The following CTTNBP2NL variants were observed in gnomAD, a reference collection of about 807,000 sequenced individuals.
CTTNBP2NL encodes CTTNBP2 N-terminal like.
In CTTNBP2NL, 16 loss-of-function variants were observed where a neutral mutation model predicts 32.5. The observed-to-expected ratio is 0.49, with a 90% CI of 0.33 to 0.75. The LOEUF (loss-of-function observed/expected upper bound fraction) is 0.75. Ranked by LOEUF, CTTNBP2NL falls within the 30% of genes least tolerant of loss-of-function variation. CTTNBP2NL has a pLI of 0.02. For missense variants in CTTNBP2NL, 645 were observed against 756.0 expected, an observed-to-expected ratio of 0.85 and a Z score of 1.72; for synonymous variants, 298 against 289.4, an observed-to-expected ratio of 1.03 and a Z score of -0.30.
intron 3 of CTTNBP2NL, among the ~76,000 whole-genome samples, chr1:112,432,778 A>G (rs540812141): frequency 6.6e-6 from 1 of 151,652 alleles, no homozygotes; most frequent in Admixed American, 6.6e-5. Context: ...AACCTTCTCA[A>G]TCTTGCCATC....
At chr1:112,442,481 TAA>T (rs1649922976) in intron 3 of CTTNBP2NL, among the ~76,000 whole-genome samples, 1 of 152,240 alleles carries the variant, frequency 6.6e-6, no homozygotes, top group East Asian at 1.9e-4. Context: ...GTTGAATTCC[TAA>T]ACACATTTTC....
rs376886069 is a variant in CTTNBP2NL, at chr1:112,455,958, A to C, written c.466A>C (p.Lys156Gln). The C allele has an allele frequency of 2.5e-6, 4 of 1,579,820 alleles. No individual in the cohort carries two copies. Among genetic ancestry groups the C allele is most frequent in the Admixed American group, 2.0e-5 (1 of 50,136 alleles). ...QLEFEKSQVKKFEKEQKKLSS... is the reference protein window; with the variant it reads ...QLEFEKSQVKQFEKEQKKLSS... ...GGAATTTGAAAAATCCCAAGTGAAAAAGTTTGAAAAAGAACAGAAGAAGCT... is the reference window on the plus strand; with the variant it reads ...GGAATTTGAAAAATCCCAAGTGAAACAGTTTGAAAAAGAACAGAAGAAGCT... Residue 156 changes from lysine to glutamine, a missense_variant, in exon 6 of 6, where the codon AAG becomes CAG. By Grantham distance (53) the Lys-to-Gln change is moderately conservative. Transcript: ENST00000271277.
intron 1 of CTTNBP2NL, among the ~76,000 whole-genome samples, chr1:112,406,058 C>A (rs563442721): frequency 1.3e-5 from 2 of 152,012 alleles, no homozygotes; most frequent in African/African-American, 4.8e-5. Flanking sequence ...GTGGTGGGCA[C>A]CTGTAATCCC....
intron 3 of CTTNBP2NL, among the ~76,000 whole-genome samples, chr1:112,419,279 A>C (rs1407964655): frequency 6.6e-6 from 1 of 152,232 alleles, no homozygotes; most frequent in East Asian, 1.9e-4. Flanking sequence ...ACATCATTCT[A>C]TAGGTTTAAC....
intron 3 of CTTNBP2NL, among the ~76,000 whole-genome samples, chr1:112,430,622 C>G (rs1200323550): frequency 7.0e-6 from 1 of 142,186 alleles, no homozygotes; most frequent in African/African-American, 2.7e-5. Context: ...GACGTGATCT[C>G]GGCTCACTGC....
upstream of CTTNBP2NL, among the ~76,000 whole-genome samples, chr1:112,392,572 A>G (rs1179840910): frequency 2.0e-5 from 3 of 152,144 alleles, no homozygotes; most frequent in Admixed American, 1.3e-4. Context: ...ATTTATTTAG[A>G]AATAGGGTCT....
At chr1:112,442,117 T>G (rs1486001666) in intron 3 of CTTNBP2NL, among the ~76,000 whole-genome samples, 1 of 151,976 alleles carries the variant, frequency 6.6e-6, no homozygotes, top group Admixed American at 6.6e-5. Context: ...AAAATAATGT[T>G]TTTTGTTTTT....
chr1:112,412,591 C>T (rs1648904980), intron 2 of CTTNBP2NL, among the ~76,000 whole-genome samples: 2 of 140,122 alleles, frequency 1.4e-5, no homozygotes, highest in South Asian at 4.8e-4. Context: ...CATGTAGACA[C>T]TAAGCTGAGT....
In CTTNBP2NL at chr1:112,416,558, C is replaced by T. The variant is rs184315279; in HGVS notation, c.99+294C>T. Among the ~76,000 whole-genome samples the T allele has an allele frequency of 6.6e-5, 10 of 150,558 alleles. No individual in the cohort carries two copies. The East Asian group carries it at 1.4e-3, about 21-fold the overall frequency. ...CTGTCGCCAGGCTGGAGTGCAGTGG[C>T]GCTATCTCGGCTCACTGCAACTTCT... On this transcript the variant is annotated intron_variant, in intron 3 of 5. Transcript: ENST00000271277.
intron 1 of CTTNBP2NL, 115 bp downstream of exon 1, chr1:112,396,387 C>G (rs956700794): frequency 1.3e-5 from 2 of 152,312 alleles, no homozygotes; most frequent in African/African-American, 4.8e-5. Context: ...CCTCTGGGCC[C>G]ATCCCCTGAG....
chr1:112,428,188 T>G (rs900805926), intron 3 of CTTNBP2NL, among the ~76,000 whole-genome samples: 1 of 152,176 alleles, frequency 6.6e-6, no homozygotes, highest in Admixed American at 6.5e-5. Context: ...CCCTAGGTAG[T>G]AGAATCATAT....
At chr1:112,402,121 A>G (rs1170410343) in intron 1 of CTTNBP2NL, among the ~76,000 whole-genome samples, 1 of 152,174 alleles carries the variant, frequency 6.6e-6, no homozygotes, top group African/African-American at 2.4e-5. Context: ...TACTCACCAT[A>G]GAAAGGTGAG....
intron 1 of CTTNBP2NL, among the ~76,000 whole-genome samples, chr1:112,407,840 C>T (rs57475371): frequency 3.3e-4 from 32 of 96,038 alleles, no homozygotes; most frequent in East Asian, 1.3e-3. Flanking sequence ...TTTTTTCTTT[C>T]TTTTTTTTTT....
At chr1:112,439,927 T>C (rs1390527764) in intron 3 of CTTNBP2NL, among the ~76,000 whole-genome samples, 2 of 152,254 alleles carry the variant, frequency 1.3e-5, no homozygotes, top group African/African-American at 4.8e-5. Context: ...TTGGTGTTCC[T>C]CTAAACATTA....
chr1:112,455,900 C>A (rs187253285), intron 5 of CTTNBP2NL, 31 bp from the exon 6 acceptor site: 1 of 1,516,178 alleles, frequency 6.6e-7, no homozygotes, highest in Non-Finnish European at 8.9e-7. Context: ...CACAGTTTGT[C>A]AGTATGTCTC....
At chr1:112,421,956 G>GT (rs978782623) in intron 3 of CTTNBP2NL, among the ~76,000 whole-genome samples, 1 of 151,778 alleles carries the variant, frequency 6.6e-6, no homozygotes, top group Non-Finnish European at 1.5e-5. Flanking sequence ...AGCTTATTTT[G>GT]TTTTTTTAAA....
rs1305501478 is a variant in CTTNBP2NL at position 112,396,222 on chromosome 1, T to C, written c.-184T>C. The C allele has an allele frequency of 6.6e-6, 1 of 151,546 alleles. No individual in the cohort carries two copies. The highest frequency in any genetic ancestry group is 2.4e-5 in the African/African-American group (1 of 41,252). The allele number at this position is 151,546 out of a possible 1,614,324, so 9.4% of individuals were successfully genotyped here. A position where few individuals can be genotyped will look rare whatever the true frequency, so the allele number is the denominator to read the frequency against. ...TGAGGGGGCGGAGCCTCAGCCGCTG[T>C]GGATGGGGAGTGGAGGCGGAGGGGA... On this transcript the variant is annotated 5_prime_UTR_variant, in exon 1 of 6. Coordinates refer to ENST00000271277, the MANE Select transcript of CTTNBP2NL (RefSeq NM_018704.3).
At chr1:112,435,267 T>A (rs1315625020) in intron 3 of CTTNBP2NL, among the ~76,000 whole-genome samples, 1 of 152,146 alleles carries the variant, frequency 6.6e-6, no homozygotes, top group Non-Finnish European at 1.5e-5. Context: ...ATTTATATAT[T>A]TGTGCTGATA....
At chr1:112,419,616 C>G (rs1649164088) in intron 3 of CTTNBP2NL, among the ~76,000 whole-genome samples, 1 of 152,074 alleles carries the variant, frequency 6.6e-6, no homozygotes, top group Non-Finnish European at 1.5e-5. Flanking sequence ...TGCCTTTGGT[C>G]ACGGCCTTGT....
Sources: gnomAD v4.1 joint callset for allele counts (sites outside exome capture counted in the v4.1 genomes callset) on GRCh38, gnomAD v4.1.1 for gene constraint, MANE v1.5 for transcripts, NCBI Gene and HGNC (gene_info 2026-07-23, HGNC 2026-07-21) for gene names.